The following SH3TC1 variants were observed in gnomAD, a reference collection of about 807,000 sequenced individuals.
SH3TC1 encodes SH3 domain and tetratricopeptide repeats 1.
SH3TC1 carries 135 observed loss-of-function variants against 117.3 expected under a neutral mutation model. That is an observed-to-expected ratio of 1.15 (90% confidence interval 1.00 to 1.33). SH3TC1 has a LOEUF of 1.33. Among genes scored for constraint, SH3TC1 ranks in the 40% most tolerant of loss-of-function variants. SH3TC1 has a pLI of 0.00. For synonymous variants in SH3TC1, 898 were observed against 816.9 expected (o/e 1.10, Z -1.69); for missense variants, 2,092 against 1,794.3 (o/e 1.17, Z -3.00).
upstream of SH3TC1, among the ~76,000 whole-genome samples, chr4:8,194,354 G>A (rs1281118): frequency 0.97 from 147,653 of 152,300 alleles, 71,680 homozygotes; most frequent in East Asian, 1. Context: ...GTCTGAAGGC[G>A]CACTCGCGTT....
chr4:8,240,026 G>T (rs1346819362), intron 17 of SH3TC1, among the ~76,000 whole-genome samples: 1 of 152,214 alleles, frequency 6.6e-6, no homozygotes, highest in East Asian at 1.9e-4. Flanking sequence ...TGGTAAAGGG[G>T]AATGGGCCAA....
At chr4:8,201,473 G>C (rs1717839024) in intron 1 of SH3TC1, 1 of 152,370 alleles carries the variant, frequency 6.6e-6, no homozygotes, top group African/African-American at 2.4e-5. Flanking sequence ...GGTTTGTCCT[G>C]ATGATAAACT....
chr4:8,195,681 C>G (rs1226918092), upstream of SH3TC1, among the ~76,000 whole-genome samples: 3 of 151,960 alleles, frequency 2.0e-5, no homozygotes, highest in African/African-American at 7.3e-5. Flanking sequence ...ACGTAGCTTC[C>G]AGAAAAACAA....
At chr4:8,237,239 T>C (rs1274387603) in intron 16 of SH3TC1, 1 of 430,316 alleles carries the variant, frequency 2.3e-6, no homozygotes, top group African/African-American at 2.0e-5. Context: ...TGGCTATATG[T>C]AGGCACAGAG....
intron 1 of SH3TC1, among the ~76,000 whole-genome samples, chr4:8,187,074 C>T (rs541388033): frequency 2.6e-5 from 4 of 152,328 alleles, no homozygotes; most frequent in Admixed American, 6.5e-5. Flanking sequence ...TCAAATGTCA[C>T]TGCCTCCAGG....
At chr4:8,184,245 G>A (rs1460992254) in intron 1 of SH3TC1, among the ~76,000 whole-genome samples, 6 of 152,310 alleles carry the variant, frequency 3.9e-5, no homozygotes, top group African/African-American at 1.4e-4. Context: ...TGCCCCACCA[G>A]CAATCTGTAA....
At chr4:8,221,972 T>A (rs1382556754) in intron 9 of SH3TC1, among the ~76,000 whole-genome samples, 1 of 152,226 alleles carries the variant, frequency 6.6e-6, no homozygotes, top group Admixed American at 6.5e-5. Flanking sequence ...ATAAGATGCA[T>A]TTCAAAGCTT....
Position 8,214,572 on chromosome 4 carries a change from A to T in SH3TC1, c.473A>T (p.His158Leu), listed in dbSNP as rs761218156. 1.2e-6 allele frequency: 2 copies of T among 1,613,478 alleles called. No individual in the cohort carries two copies. Among genetic ancestry groups the T allele is most frequent in the Admixed American group, 3.3e-5 (2 of 60,002 alleles). ...GAAATCTGGAAGTTTTCCACCTACC[A>T]TGCTCTCGGTAAAGAGGTGACCCTC... ...FEEIWKFSTYHALGFTHHCLA... is the reference protein window; with the variant it reads ...FEEIWKFSTYLALGFTHHCLA... The change falls in exon 5 of 18, where the codon CAT becomes CTT. Residue 158 changes from histidine (H) to leucine (L), a missense_variant. Physicochemically the swap from His to Leu is moderately conservative, Grantham distance 99 (BLOSUM62 -3). Coordinates refer to ENST00000245105, the MANE Select transcript of SH3TC1 (RefSeq NM_018986.5).
intron 14 of SH3TC1, among the ~76,000 whole-genome samples, 161 bp from the exon 15 acceptor site, chr4:8,235,272 C>T (rs1293531057): frequency 6.6e-6 from 1 of 152,224 alleles, no homozygotes; most frequent in Admixed American, 6.5e-5. Flanking sequence ...TCATTGTCCC[C>T]ATGCCAGCGG....
At chr4:8,234,900 C>G (rs1432044537) in intron 14 of SH3TC1, among the ~76,000 whole-genome samples, 4 of 152,224 alleles carry the variant, frequency 2.6e-5, no homozygotes. Flanking sequence ...CAGCAGTTTC[C>G]AGAGGCTTTC....
chr4:8,209,532 T>A lies in SH3TC1; in HGVS notation c.173-216T>A. On this transcript the variant is annotated intron_variant, in intron 2 of 17. Transcript: ENST00000245105. The surrounding 1 kb of genome is among the most constrained non-coding windows in gnomAD (Gnocchi z 5.9). Reference sequence around the variant, plus strand: ...AGTCGTGTGGTCTTAAGCCTCTGAGTGTGGGGCAGCTTGTCACAGCATGCT... The same window carrying A: ...AGTCGTGTGGTCTTAAGCCTCTGAGAGTGGGGCAGCTTGTCACAGCATGCT... 1 of 1,014,048 alleles carries A rather than the reference T, an allele frequency of 9.9e-7. No homozygotes were observed. The highest frequency in any genetic ancestry group is 1.5e-6 in the Non-Finnish European group (1 of 688,918). The allele number at this position is 1,014,048 out of a possible 1,614,324, so 62.8% of individuals were successfully genotyped here.
chr4:8,199,047 C>A (rs1717664536), upstream of SH3TC1, among the ~76,000 whole-genome samples: 1 of 152,210 alleles, frequency 6.6e-6, no homozygotes. Context: ...CCCAGCCTGG[C>A]GGGGGACTGG....
In SH3TC1 at chr4:8,228,280, G is replaced by A. The variant is rs1578725413; in HGVS notation, c.2586G>A (p.Glu862=). ...CAGTGGTGGCCAGCGAGGACCAGGAGGGCGTGATTGCCAACATGGTGGCCG... is the reference window on the plus strand; with the variant it reads ...CAGTGGTGGCCAGCGAGGACCAGGAAGGCGTGATTGCCAACATGGTGGCCG... ...RDAVVASEDQ[E]GVIANMVAVA... The change falls in exon 12 of 18, where the codon GAG becomes GAA. Residue 862 remains glutamate (E), a synonymous_variant. Coordinates refer to ENST00000245105, the MANE Select transcript of SH3TC1 (RefSeq NM_018986.5). The A allele has an allele frequency of 4.3e-6, 7 of 1,612,372 alleles. No individual in the cohort carries two copies. The highest frequency in any genetic ancestry group is 5.9e-6 in the Non-Finnish European group (7 of 1,179,874).
At position 8,205,774 on chromosome 4, in the gene SH3TC1, C is replaced by T; in HGVS notation, c.172+408C>T. 1.6e-6 allele frequency: 1 copy of T among 640,790 alleles called. No individual in the cohort carries two copies. The highest frequency in any genetic ancestry group is 2.4e-5 in the Admixed American group (1 of 42,086). The allele number at this position is 640,790 out of a possible 1,614,324, so 39.7% of individuals were successfully genotyped here. A position where few individuals can be genotyped will look rare whatever the true frequency, so the allele number is the denominator to read the frequency against. ...AAGGTGCAGAGAGGGAAGGGCCGGG[C>T]CAGGCCACCCTGTGGTCAGGGGCCG... On this transcript the variant is annotated intron_variant, in intron 2 of 17. Transcript: ENST00000245105. The surrounding 1 kb of genome is among the most constrained non-coding windows in gnomAD (Gnocchi z 5.4).
At chr4:8,196,226 C>G (rs539194642), upstream of SH3TC1, among the ~76,000 whole-genome samples, 1 of 152,210 alleles carries the variant, frequency 6.6e-6, no homozygotes, top group African/African-American at 2.4e-5. The surrounding 1 kb of genome is among the most constrained non-coding windows in gnomAD (Gnocchi z 4.6). Flanking sequence ...CGTCCCCACC[C>G]GCCTGACACC....
At chr4:8,194,068 T>C (rs1717490147) in intron 1 of SH3TC1, among the ~76,000 whole-genome samples, 1 of 152,146 alleles carries the variant, frequency 6.6e-6, no homozygotes, top group Non-Finnish European at 1.5e-5. Context: ...CTGGCTTGAG[T>C]TGCAGCCTGG....
rs1477979780 is a variant in SH3TC1, at chr4:8,227,351, G to T, written c.1657G>T (p.Ala553Ser). 1 of 1,599,114 alleles carries T rather than the reference G, an allele frequency of 6.3e-7. No individual in the cohort carries two copies. Among genetic ancestry groups the T allele is most frequent in the South Asian group, 1.1e-5 (1 of 88,942 alleles). The change falls in exon 12 of 18, where the codon GCT (alanine) becomes TCT (serine). Residue 553 changes from alanine (A) to serine (S), a missense_variant. Ala to Ser is a moderately conservative substitution (Grantham distance 99). Coordinates refer to ENST00000245105, the MANE Select transcript of SH3TC1 (RefSeq NM_018986.5). Reference sequence around the variant, plus strand: ...ACAGGCCCGGGGGGCGGCCAAGAAAGCTGGCCTCCTCATGGCCCTGGCCAG... The same window carrying T: ...ACAGGCCCGGGGGGCGGCCAAGAAATCTGGCCTCCTCATGGCCCTGGCCAG... ...LAQARGAAKKAGLLMALARLC... is the reference protein window; with the variant it reads ...LAQARGAAKKSGLLMALARLC...
At chr4:8,221,505 A>G (rs1719917891) in intron 9 of SH3TC1, among the ~76,000 whole-genome samples, 1 of 152,162 alleles carries the variant, frequency 6.6e-6, no homozygotes, top group African/African-American at 2.4e-5. Flanking sequence ...AAAGTTGCAA[A>G]AAGAGTATAA....
At position 8,232,046 on chromosome 4, in the gene SH3TC1, C is replaced by T; in HGVS notation, c.3021C>T (p.Val1007=). 6.2e-7 allele frequency: 1 copy of T among 1,613,510 alleles called. No homozygotes were observed. Among genetic ancestry groups the T allele is most frequent in the Non-Finnish European group, 8.5e-7 (1 of 1,180,030 alleles). The change falls in exon 13 of 18, where the codon GTC becomes GTT. Residue 1007 remains valine (V), a synonymous_variant. Transcript: ENST00000245105. ...TCATGCCCAGCGAGGCCCAGTGTGT[C>T]ATCTACCATGAGCTCCAGCTCTCCC... ...SAVMPSEAQC[V]IYHELQLSLA... is the part of the protein sequence containing the mutation.
Sources: allele counts gnomAD v4.1 joint callset (sites outside exome capture counted in the v4.1 genomes callset), GRCh38; gene constraint gnomAD v4.1.1; non-coding constraint Gnocchi (gnomAD v3.1); transcripts MANE v1.5; gene names NCBI Gene and HGNC (gene_info 2026-07-23, HGNC 2026-07-21).